The following HKDC1 variants were observed in gnomAD, a reference collection of about 807,000 sequenced individuals.
HKDC1 encodes the protein hexokinase HKDC1.
In HKDC1, 66 loss-of-function variants were observed where a neutral mutation model predicts 96.6. That is an observed-to-expected ratio of 0.68 (90% CI 0.56 to 0.84). HKDC1 has a LOEUF of 0.84. Among genes scored for constraint, HKDC1 ranks in the 40% least tolerant of loss-of-function variants. The pLI is 0.00. For synonymous variants in HKDC1, 466 were observed against 473.1 expected (o/e 0.98, Z 0.20); for missense variants, 1,211 against 1,208.1 (o/e 1.00, Z -0.04).
At chr10:69,260,594 A>C (rs1843790111) in intron 15 of HKDC1, among the ~76,000 whole-genome samples, 1 of 152,060 alleles carries the variant, frequency 6.6e-6, no homozygotes, top group African/African-American at 2.4e-5. Context: ...AATGCTTCCC[A>C]TTTGACTCTG....
At chr10:69,232,635 C>T in intron 2 of HKDC1, 129 bp from the exon 3 acceptor site, 1 of 874,656 alleles carries the variant, frequency 1.1e-6, no homozygotes, top group South Asian at 1.6e-5. Flanking sequence ...TCAGCCTTGG[C>T]AAATGAGCAT....
In HKDC1 at chr10:69,233,087, T is replaced by G. The variant is rs1217900513; in HGVS notation, c.449T>G (p.Leu150Arg). 6.2e-7 allele frequency: 1 copy of G among 1,614,176 alleles called. No homozygotes were observed. The highest frequency in any genetic ancestry group is 1.3e-5 in the African/African-American group (1 of 75,048). Residue 150 changes from leucine (L) to arginine (R), a missense_variant, in exon 4 of 18, where the codon CTT becomes CGT. Physicochemically the swap from Leu to Arg is moderately radical, Grantham distance 102. Coordinates refer to ENST00000354624, the MANE Select transcript of HKDC1 (RefSeq NM_025130.4). ...GATTTAAAGCATAAGAAATTGCCCC[T>G]TGGCCTAACTTTTTCTTTCCCCTGT... ...TKDLKHKKLP[L>R]GLTFSFPCRQ...
rs377533873 is a variant in HKDC1 at position 69,250,271 on chromosome 10, G to A, written c.1571-19G>A. ...CAAGTCCCTGTCATGGAATGCAGCT[G>A]CTGCTTTCTCCATCACAGAGAAAGG... On this transcript the variant is annotated intron_variant, in intron 10 of 17. Coordinates refer to ENST00000354624, the MANE Select transcript of HKDC1 (RefSeq NM_025130.4). The A allele has an allele frequency of 4.7e-5, 76 of 1,606,788 alleles. No individual in the cohort carries two copies. In the Middle Eastern group the frequency reaches 1.0e-3, roughly 22 times the overall value.
chr10:69,224,006 C>T (rs1434389750), intron 1 of HKDC1, among the ~76,000 whole-genome samples: 2 of 151,020 alleles, frequency 1.3e-5, no homozygotes, highest in Non-Finnish European at 3.0e-5. Context: ...TCCAGGAGCT[C>T]GAGACCAGCC....
chr10:69,261,958 ATAGT>A (rs1554870940), intron 16 of HKDC1: 1 of 247,840 alleles, frequency 4.0e-6, no homozygotes, highest in African/African-American at 2.3e-5. Context: ...CCAAAAACTC[ATAGT>A]TAGACCCAGA....
intron 1 of HKDC1, among the ~76,000 whole-genome samples, chr10:69,224,712 C>T (rs576327147): frequency 6.6e-6 from 1 of 152,336 alleles, no homozygotes; most frequent in East Asian, 1.9e-4. Context: ...TTGGACTAGA[C>T]GAGCTCTAAG....
rs755230182 is a variant in HKDC1, at chr10:69,247,479, A to G, written c.1151A>G (p.Asn384Ser). ...VCTIVSFRSA[N>S]LCAAALAAIL... ...ACCATCGTCTCCTTCCGCTCGGCCA[A>G]TCTCTGTGCAGCAGCTCTGGCGGCC... is the stretch of plus-strand genomic sequence containing the variant. The change falls in exon 9 of 18, where the codon AAT (asparagine) becomes AGT (serine). Residue 384 changes from asparagine (N) to serine (S), a missense_variant. Transcript: ENST00000354624. The G allele has an allele frequency of 6.8e-6, 11 of 1,614,094 alleles. No individual in the cohort carries two copies. Among genetic ancestry groups the G allele is most frequent in the South Asian group, 6.6e-5 (6 of 91,076 alleles).
chr10:69,247,192 TCA>T (rs1178810807), intron 8 of HKDC1, among the ~76,000 whole-genome samples, 166 bp from the exon 9 acceptor site: 1 of 152,206 alleles, frequency 6.6e-6, no homozygotes, highest in Admixed American at 6.5e-5. Flanking sequence ...TGGTGACTGC[TCA>T]GTTAGTGGCA....
rs1318739519 is a variant in HKDC1 at position 69,243,222 on chromosome 10, C to T, written c.732C>T (p.Asn244=). Residue 244 remains asparagine (N), a synonymous_variant, in exon 7 of 18, where the codon AAC becomes AAT. Coordinates refer to ENST00000354624, the MANE Select transcript of HKDC1 (RefSeq NM_025130.4). ...TNACYMEDMS[N]IDLVEGDEGR... ...CGTGTTACATGGAGGACATGAGCAACATTGACCTGGTGGAGGGCGACGAGG... is the reference window on the plus strand; with the variant it reads ...CGTGTTACATGGAGGACATGAGCAATATTGACCTGGTGGAGGGCGACGAGG... 14 of 1,614,136 alleles carry T rather than the reference C, an allele frequency of 8.7e-6. No individual in the cohort carries two copies. Among genetic ancestry groups the T allele is most frequent in the Non-Finnish European group, 1.2e-5 (14 of 1,180,052 alleles).
At chr10:69,232,580 A>G (rs1843283139) in intron 2 of HKDC1, 184 bp from the exon 3 acceptor site, 1 of 614,904 alleles carries the variant, frequency 1.6e-6, no homozygotes, top group Admixed American at 2.9e-5. Context: ...TTCACATCTC[A>G]GCTCTGCGCC....
chr10:69,220,410 C>G lies in HKDC1; in HGVS notation c.-26C>G. The G allele has an allele frequency of 6.3e-7, 1 of 1,583,228 alleles. No homozygotes were observed. The highest frequency in any genetic ancestry group is 1.2e-5 in the South Asian group (1 of 86,126). On this transcript the variant is annotated 5_prime_UTR_variant, in exon 1 of 18. In the 5' UTR this introduces an upstream ATG that the reference lacks. Transcript: ENST00000354624. ...ACACTGCACAGGAATCTCTGCCCAT[C>G]TCAGGAGAAACCAAACTTGGGGAAA...
In HKDC1 at chr10:69,235,107, G is replaced by A. The variant is rs118044426; in HGVS notation, c.495+1974G>A. Among the ~76,000 whole-genome samples the A allele has an allele frequency of 5.3e-4, 80 of 152,122 alleles. 2 individuals carry two copies. In the East Asian group the frequency reaches 0.015, roughly 28 times the overall value. ...ACACCACTGCACTCCAGCAGCGCAG[G>A]CCACAAAGCGAGACTCCATCTCTAA... On this transcript the variant is annotated intron_variant, in intron 4 of 17. Transcript: ENST00000354624.
intron 4 of HKDC1, among the ~76,000 whole-genome samples, chr10:69,233,468 C>T (rs966375427): frequency 2.6e-5 from 4 of 152,096 alleles, no homozygotes; most frequent in African/African-American, 9.7e-5. Context: ...CTAAATTCGC[C>T]TCCCTGACAG....
rs1318185771 is a variant in HKDC1 at position 69,261,188 on chromosome 10, A to T, written c.2266A>T (p.Ile756Phe). The change falls in exon 16 of 18, where the codon ATC becomes TTC. Residue 756 changes from isoleucine (I) to phenylalanine (F), a missense_variant. Physicochemically the swap from Ile to Phe is conservative, Grantham distance 21. Transcript: ENST00000354624. ...GMYLGEIVRQ[I>F]LIDLTKQGLL... Reference sequence around the variant, plus strand: ...GTACTTGGGGGAGATTGTGCGGCAGATCCTGATCGACCTGACCAAGCAGGG... The same window carrying T: ...GTACTTGGGGGAGATTGTGCGGCAGTTCCTGATCGACCTGACCAAGCAGGG... 1.2e-6 allele frequency: 2 copies of T among 1,614,048 alleles called. No individual in the cohort carries two copies. The highest frequency in any genetic ancestry group is 1.7e-6 in the Non-Finnish European group (2 of 1,179,960).
chr10:69,230,976 T>C (rs1843249549), intron 2 of HKDC1, among the ~76,000 whole-genome samples: 1 of 152,190 alleles, frequency 6.6e-6, no homozygotes. Flanking sequence ...TGCTGTTGCC[T>C]GGGCAAGTCC....
rs1334238647 is a variant in HKDC1, at chr10:69,248,553, C to G, written c.1395C>G (p.Ala465=). 1.9e-6 allele frequency: 3 copies of G among 1,613,954 alleles called. No individual in the cohort carries two copies. In the African/African-American group the frequency reaches 4.0e-5, roughly 22 times the overall value. ...CCGCGGTGGCCTCCCGCGTGCAGGC[C>G]CAGCGGAAGCAGATCGACAGGGTGC... is the stretch of plus-strand genomic sequence containing the variant. ...MVTAVASRVQ[A]QRKQIDRVLA... Residue 465 remains alanine (A), a synonymous_variant, in exon 10 of 18, where the codon GCC becomes GCG. Transcript: ENST00000354624.
rs1416151561 is a variant in HKDC1 at position 69,248,485 on chromosome 10, C to T, written c.1327C>T (p.Leu443Phe). ...GGTCCCAAGCTGTGATGTCCGCTTCCTCCTGTCAGAGAGTGGCAGCACCAA... is the reference window on the plus strand; with the variant it reads ...GGTCCCAAGCTGTGATGTCCGCTTCTTCCTGTCAGAGAGTGGCAGCACCAA... ...KLVPSCDVRF[L>F]LSESGSTKGA... Residue 443 changes from leucine (L) to phenylalanine (F), a missense_variant, in exon 10 of 18, where the codon CTC (leucine) becomes TTC (phenylalanine). Leu to Phe is a conservative substitution (Grantham distance 22, BLOSUM62 0). Coordinates refer to ENST00000354624, the MANE Select transcript of HKDC1 (RefSeq NM_025130.4). The T allele has an allele frequency of 1.2e-6, 2 of 1,607,994 alleles. No individual in the cohort carries two copies. The highest frequency in any genetic ancestry group is 1.1e-5 in the South Asian group (1 of 90,710).
rs1166834271 is a variant in HKDC1 at position 69,250,291 on chromosome 10, G to A, written c.1572G>A (p.Glu524=). 6.2e-7 allele frequency: 1 copy of A among 1,612,564 alleles called. No homozygotes were observed. The highest frequency in any genetic ancestry group is 8.5e-7 in the Non-Finnish European group (1 of 1,179,308). ...CAGCTGCTGCTTTCTCCATCACAGA[G>A]AAAGGAAAGTTTCTCGCCCTGGATC... The part of the protein sequence containing the change: ...TYVCGLPDGT[E]KGKFLALDLG... The change falls in exon 11 of 18, where the codon GAG becomes GAA. Residue 524 remains glutamate (E), a splice_region_variant and synonymous_variant. Coordinates refer to ENST00000354624, the MANE Select transcript of HKDC1 (RefSeq NM_025130.4).
At chr10:69,247,220 G>A in intron 8 of HKDC1, 140 bp from the exon 9 acceptor site, 1 of 627,242 alleles carries the variant, frequency 1.6e-6, no homozygotes, top group South Asian at 1.9e-5. Flanking sequence ...TACTATCAAT[G>A]TTGATATTGT....
Sources: allele counts gnomAD v4.1 joint callset (sites outside exome capture counted in the v4.1 genomes callset), GRCh38; gene constraint gnomAD v4.1.1; transcripts MANE v1.5; gene names NCBI Gene and HGNC (gene_info 2026-07-23, HGNC 2026-07-21).